The following ALAS2 variants were observed in gnomAD, a reference collection of about 807,000 sequenced individuals.
ALAS2 encodes the protein 5'-aminolevulinate synthase 2.
A neutral mutation model predicts 33.7 loss-of-function variants in ALAS2; 3 were observed. That is an observed-to-expected ratio of 0.09 (90% CI 0.04 to 0.23). The LOEUF (loss-of-function observed/expected upper bound fraction) is 0.23. Ranked by LOEUF, ALAS2 falls within the 10% of genes least tolerant of loss-of-function variation. The pLI, the probability that ALAS2 is intolerant of heterozygous loss-of-function variation, is 1.00. For synonymous variants in ALAS2, 191 were observed against 177.3 expected (o/e 1.08, Z -0.61); for missense variants, 304 against 475.1 (o/e 0.64, Z 3.35).
chrX:55,028,471 A>T (rs927493262), intron 1 of ALAS2, among the ~76,000 whole-genome samples: 2 of 111,451 alleles, frequency 1.8e-5, no homozygotes, highest in East Asian at 5.6e-4. Flanking sequence ...AAAGCCCCCA[A>T]TATTGGAGGC....
At chrX:55,015,869 G>T in intron 7 of ALAS2, 127 bp from the exon 8 acceptor site, 1 of 751,667 alleles carries the variant, frequency 1.3e-6, no homozygotes, top group Non-Finnish European at 2.0e-6. Flanking sequence ...AGGAGGATGT[G>T]CGCCTTCATT....
rs1935889550 is a variant in ALAS2 at position 55,026,161 on chromosome X, A to T, written c.-15-146T>A. ...CTTCCAGGGAAAGAACTTCTTTCCC[A>T]ATGTTAACATGTACCAATAAAACAT... On this transcript the variant is annotated intron_variant, in intron 1 of 10. Coordinates refer to ENST00000650242, the MANE Select transcript of ALAS2 (RefSeq NM_000032.5). 5.9e-6 allele frequency: 3 copies of T among 512,052 alleles called. No individual in the cohort carries two copies. In the African/African-American group the frequency reaches 7.1e-5, roughly 12 times the overall value. 42.2% of individuals were successfully genotyped at this position (512,052 alleles called of 1,213,427 possible).
intron 1 of ALAS2, among the ~76,000 whole-genome samples, chrX:55,028,967 T>C (rs1195123893): frequency 8.9e-6 from 1 of 112,006 alleles, no homozygotes; most frequent in Non-Finnish European, 1.9e-5. Flanking sequence ...AAAATGTTGG[T>C]AATAACAAGG....
At position 55,020,337 on chromosome X, in the gene ALAS2, A is replaced by C; in HGVS notation, c.806T>G (p.Leu269Trp). Reference sequence around the variant, plus strand: ...AGGCTTACCTGGCAGGATCTTGGCCAAGGTGAAGAGAGTAGAGTCATTGGC... The same window carrying C: ...AGGCTTACCTGGCAGGATCTTGGCCCAGGTGAAGAGAGTAGAGTCATTGGC... ...FVANDSTLFT[L>W]AKILPGCEIY... Residue 269 changes from leucine to tryptophan, a missense_variant, in exon 6 of 11, where the codon TTG (leucine) becomes TGG (tryptophan). Coordinates refer to ENST00000650242, the MANE Select transcript of ALAS2 (RefSeq NM_000032.5). The C allele has an allele frequency of 8.3e-7, 1 of 1,209,731 alleles. No homozygotes were observed. The highest frequency in any genetic ancestry group is 1.1e-6 in the Non-Finnish European group (1 of 894,740).
chrX:55,025,812 C>T lies in ALAS2; in HGVS notation c.181+8G>A. Reference sequence around the variant, plus strand: ...CATTCTCCCCTTTTGCTAGCAGCCTCTTCTTACCTCCTCCAGCCTTTGTTG... The same window carrying T: ...CATTCTCCCCTTTTGCTAGCAGCCTTTTCTTACCTCCTCCAGCCTTTGTTG... On this transcript the variant is annotated splice_region_variant and intron_variant, in intron 2 of 10. Coordinates refer to ENST00000650242, the MANE Select transcript of ALAS2 (RefSeq NM_000032.5). The T allele has an allele frequency of 8.3e-7, 1 of 1,211,257 alleles. No individual in the cohort carries two copies. The highest frequency in any genetic ancestry group is 1.8e-5 in the South Asian group (1 of 56,994).
intron 4 of ALAS2, among the ~76,000 whole-genome samples, chrX:55,022,718 A>T (rs912574352): frequency 3.6e-5 from 4 of 111,897 alleles, no homozygotes; most frequent in Non-Finnish European, 5.6e-5. Context: ...ACATTCAAGG[A>T]TGTTTGTTGC....
At chrX:55,030,386 C>T (rs182076317) in intron 1 of ALAS2, among the ~76,000 whole-genome samples, 214 of 111,613 alleles carry the variant, frequency 1.9e-3, no homozygotes, top group African/African-American at 6.8e-3. Context: ...CCCATCACCC[C>T]CACATCCTCT....
At chrX:55,026,633 G>C (rs756953043) in intron 1 of ALAS2, among the ~76,000 whole-genome samples, 11 of 111,940 alleles carry the variant, frequency 9.8e-5, no homozygotes, top group African/African-American at 3.6e-4. Context: ...CTTTGAATTT[G>C]CTCCTGTCTC....
At position 55,017,679 on chromosome X, in the gene ALAS2, T is replaced by C; in HGVS notation, c.824-14A>G. 2.5e-6 allele frequency: 3 copies of C among 1,208,631 alleles called. No individual in the cohort carries two copies. The highest frequency in any genetic ancestry group is 3.4e-6 in the Non-Finnish European group (3 of 892,821). On this transcript the variant is annotated splice_polypyrimidine_tract_variant and intron_variant, in intron 6 of 10. Coordinates refer to ENST00000650242, the MANE Select transcript of ALAS2 (RefSeq NM_000032.5). ...AAATCTCGCACCCTGAGGAAGCAGATGTATAATCCTTAAGCTTCTGTCCCA... is the reference window on the plus strand; with the variant it reads ...AAATCTCGCACCCTGAGGAAGCAGACGTATAATCCTTAAGCTTCTGTCCCA...
intron 10 of ALAS2, among the ~76,000 whole-genome samples, 180 bp downstream of exon 10, chrX:55,013,306 G>C (rs1214725528): frequency 9.0e-6 from 1 of 111,536 alleles, no homozygotes; most frequent in African/African-American, 3.3e-5. Context: ...AACCAAACTG[G>C]AGCCCTACAA....
At position 55,020,431 on chromosome X, in the gene ALAS2, C is replaced by T. The variant is rs1405775477; in HGVS notation, c.712G>A (p.Glu238Lys). 1 of 1,194,346 alleles carries T rather than the reference C, an allele frequency of 8.4e-7. No individual in the cohort carries two copies. Among genetic ancestry groups the T allele is most frequent in the Admixed American group, 2.3e-5 (1 of 43,824 alleles). ...NISGTSKFHV[E>K]LEQELAELHQ... ...AGCTCAGCCAGCTCCTGCTCAAGCTCCACATGAAACTTACTGGTGCCTGAG... is the reference window on the plus strand; with the variant it reads ...AGCTCAGCCAGCTCCTGCTCAAGCTTCACATGAAACTTACTGGTGCCTGAG... The change falls in exon 6 of 11, where the codon GAG becomes AAG. Residue 238 changes from glutamate (E) to lysine (K), a missense_variant. Around this residue, in one of 3 missense-constraint regions of ALAS2, gnomAD observed 138 missense variants for 265.3 expected, o/e 0.52. Transcript: ENST00000650242.
rs778290329 is a variant in ALAS2, at chrX:55,013,470, C to A, written c.1600+16G>T. 19 of 1,200,282 alleles carry A rather than the reference C, an allele frequency of 1.6e-5. No individual in the cohort carries two copies. Among genetic ancestry groups the A allele is most frequent in the Non-Finnish European group, 2.0e-5 (18 of 888,875 alleles). On this transcript the variant is annotated intron_variant, in intron 10 of 10. Transcript: ENST00000650242. ...AGGGGAGGGAGGTCCTGTAGGCACCCATGTTGAGAACTTACCCACAAAATC... is the reference window on the plus strand; with the variant it reads ...AGGGGAGGGAGGTCCTGTAGGCACCAATGTTGAGAACTTACCCACAAAATC...
Position 55,014,802 on chromosome X carries a change from A to G in ALAS2, c.1382T>C (p.Leu461Pro). Residue 461 changes from leucine (L) to proline (P), a missense_variant, in exon 9 of 11, where the codon CTC becomes CCC. By Grantham distance (98) the Leu-to-Pro change is moderately conservative. Coordinates refer to ENST00000650242, the MANE Select transcript of ALAS2 (RefSeq NM_000032.5). Reference protein sequence around the residue: ...QRNVKHMRQLLMDRGLPVIPC... With the variant: ...QRNVKHMRQLPMDRGLPVIPC... ...GATGACAGGAAGGCCCCTGTCCATG[A>G]GTAGCTGGCGCATGTGCTTGACATT... 1 of 1,201,027 alleles carries G rather than the reference A, an allele frequency of 8.3e-7. No individual in the cohort carries two copies. The highest frequency in any genetic ancestry group is 1.1e-6 in the Non-Finnish European group (1 of 889,273).
Position 55,013,475 on chromosome X carries a change from T to G in ALAS2, c.1600+11A>C. ...AGGGAGGTCCTGTAGGCACCCATGT[T>G]GAGAACTTACCCACAAAATCTTCCA... On this transcript the variant is annotated intron_variant, in intron 10 of 10. Transcript: ENST00000650242. 1 of 1,205,250 alleles carries G rather than the reference T, an allele frequency of 8.3e-7. No homozygotes were observed. The highest frequency in any genetic ancestry group is 1.1e-6 in the Non-Finnish European group (1 of 891,195).
chrX:55,023,178 G>A (rs770279330), intron 4 of ALAS2, among the ~76,000 whole-genome samples: 7 of 107,939 alleles, frequency 6.5e-5, no homozygotes, highest in African/African-American at 2.4e-4. Flanking sequence ...TGGGTGTGGT[G>A]AAGAGAGCAG....
chrX:55,009,102 A>G lies in ALAS2; in HGVS notation c.*78T>C. On this transcript the variant is annotated 3_prime_UTR_variant, in exon 11 of 11. Coordinates refer to ENST00000650242, the MANE Select transcript of ALAS2 (RefSeq NM_000032.5). The stretch of plus-strand genomic sequence containing the variant: ...TTAGGCTCAATTCAGCTAGAGGCAC[A>G]CAACAAAGCAGAAGACAGGAGTAGG... 1 of 1,129,898 alleles carries G rather than the reference A, an allele frequency of 8.9e-7. No individual in the cohort carries two copies. The highest frequency in any genetic ancestry group is 1.9e-5 in the South Asian group (1 of 51,630). The allele number at this position is 1,129,898 out of a possible 1,213,427, so 93.1% of individuals were successfully genotyped here.
intron 7 of ALAS2, among the ~76,000 whole-genome samples, chrX:55,015,981 G>GTC (rs1413919374): frequency 4.8e-5 from 5 of 103,388 alleles, no homozygotes; most frequent in African/African-American, 1.8e-4. Flanking sequence ...GTGTGTGTGT[G>GTC]TGTGTGTGTG....
At chrX:55,028,171 A>AATT (rs1157215934) in intron 1 of ALAS2, among the ~76,000 whole-genome samples, 4 of 110,983 alleles carry the variant, frequency 3.6e-5, no homozygotes, top group Non-Finnish European at 7.5e-5. Flanking sequence ...GTGAAAGCTA[A>AATT]AGCACTTGGG....
chrX:55,010,754 C>T (rs1378057860), intron 10 of ALAS2, among the ~76,000 whole-genome samples: 1 of 111,403 alleles, frequency 9.0e-6, no homozygotes, highest in African/African-American at 3.3e-5. Flanking sequence ...TATTTTTTCC[C>T]ATAGCACTTA....
Sources: allele counts gnomAD v4.1 joint callset (sites outside exome capture counted in the v4.1 genomes callset), GRCh38; gene constraint gnomAD v4.1.1; regional missense constraint gnomAD v4.1.1; transcripts MANE v1.5; gene names NCBI Gene and HGNC (gene_info 2026-07-23, HGNC 2026-07-21).